CSMD3: variants seen among roughly 807,000 people sequenced by gnomAD.
CSMD3 encodes CUB and Sushi multiple domains 3.
A neutral mutation model predicts 435.2 loss-of-function variants in CSMD3; 177 were observed. That is an observed-to-expected ratio of 0.41 (90% confidence interval 0.36 to 0.46). The LOEUF (loss-of-function observed/expected upper bound fraction) is 0.46. Ranked by LOEUF, CSMD3 falls within the 20% of genes least tolerant of loss-of-function variation. The pLI is 0.34. For synonymous variants in CSMD3, 1,656 were observed against 1,520.5 expected, an observed-to-expected ratio of 1.09 and a Z score of -2.07; for missense variants, 4,265 against 4,504.6, an observed-to-expected ratio of 0.95 and a Z score of 1.52.
intron 67 of CSMD3, among the ~76,000 whole-genome samples, chr8:112,234,856 A>G (rs1390848516): frequency 6.6e-6 from 1 of 152,196 alleles, no homozygotes; most frequent in African/African-American, 2.4e-5. Flanking sequence ...TTTCCTTAAT[A>G]ACAAATTAGT....
intron 3 of CSMD3, among the ~76,000 whole-genome samples, chr8:113,254,969 G>A (rs1270105028): frequency 6.6e-6 from 1 of 151,992 alleles, no homozygotes; most frequent in East Asian, 1.9e-4. Flanking sequence ...AATACATTTG[G>A]AAAATAATGA....
intron 11 of CSMD3, among the ~76,000 whole-genome samples, chr8:112,850,696 C>G (rs2129715181): frequency 6.6e-6 from 1 of 152,292 alleles, no homozygotes; most frequent in East Asian, 1.9e-4. Flanking sequence ...CAATACACTT[C>G]AAAATTGAAT....
At chr8:113,131,722 T>C (rs1325836740) in intron 4 of CSMD3, among the ~76,000 whole-genome samples, 2 of 152,144 alleles carry the variant, frequency 1.3e-5, no homozygotes, top group East Asian at 3.9e-4. Flanking sequence ...GGACACTGTC[T>C]TCCACACCCT....
rs2130410109 is a variant in CSMD3 at position 112,265,434 on chromosome 8, C to T, written c.9665G>A (p.Ser3222Asn). 6.2e-7 allele frequency: 1 copy of T among 1,613,560 alleles called. No individual in the cohort carries two copies. The highest frequency in any genetic ancestry group is 1.1e-5 in the South Asian group (1 of 91,078). ...IRTCTINGTW[S>N]GVMPTCRAVT... ...ACCTCTACAAGTTGGCATTACTCCA[C>T]TCCATGTGCCATTAATTGTACAAGT... The change falls in exon 60 of 71, where the codon AGT becomes AAT. Residue 3222 changes from serine (S) to asparagine (N), a missense_variant. Around this residue, in one of 3 missense-constraint regions of CSMD3, gnomAD observed 3,255 missense variants for 3,380.2 expected, o/e 0.96. Coordinates refer to ENST00000297405, the MANE Select transcript of CSMD3 (RefSeq NM_198123.2).
chr8:112,417,182 C>G (rs1200185526), intron 32 of CSMD3, among the ~76,000 whole-genome samples: 1 of 152,132 alleles, frequency 6.6e-6, no homozygotes, highest in Non-Finnish European at 1.5e-5. Flanking sequence ...AAATGACCAA[C>G]TTATGTGTCT....
chr8:113,371,424 G>C (rs1221974135), intron 1 of CSMD3, among the ~76,000 whole-genome samples: 1 of 152,068 alleles, frequency 6.6e-6, no homozygotes, highest in South Asian at 2.1e-4. Context: ...ACATATGGCA[G>C]GTTCTAAGTT....
At chr8:112,451,554 T>C (rs953140177) in intron 32 of CSMD3, among the ~76,000 whole-genome samples, 3 of 152,162 alleles carry the variant, frequency 2.0e-5, no homozygotes, top group African/African-American at 7.2e-5. Flanking sequence ...TTTTTTTTTT[T>C]TGAGACAGAG....
intron 51 of CSMD3, among the ~76,000 whole-genome samples, chr8:112,305,128 A>G (rs888588125): frequency 1.3e-5 from 2 of 152,132 alleles, no homozygotes; most frequent in Non-Finnish European, 2.9e-5. Context: ...TGGTTTCACA[A>G]TTCAATCTTG....
intron 1 of CSMD3, among the ~76,000 whole-genome samples, chr8:113,353,001 G>A (rs190639285): frequency 1.3e-5 from 2 of 152,258 alleles, no homozygotes; most frequent in East Asian, 1.9e-4. Context: ...CAAATTGCAA[G>A]CTAAAATGAT....
chr8:112,914,519 A>T (rs1055955575), intron 10 of CSMD3, among the ~76,000 whole-genome samples: 3 of 151,666 alleles, frequency 2.0e-5, no homozygotes, highest in Non-Finnish European at 1.5e-5. Context: ...GCAGAAGAAC[A>T]TACTTCATGC....
intron 10 of CSMD3, among the ~76,000 whole-genome samples, chr8:112,888,041 T>C (rs2081661810): frequency 6.6e-6 from 1 of 151,538 alleles, no homozygotes; most frequent in Non-Finnish European, 1.5e-5. Context: ...ACAACAAAAA[T>C]AACAAATATA....
chr8:112,788,799 A>C (rs911513517), intron 13 of CSMD3, among the ~76,000 whole-genome samples: 1 of 152,154 alleles, frequency 6.6e-6, no homozygotes, highest in African/African-American at 2.4e-5. Context: ...GGTTGGGACA[A>C]ACAAAATTAA....
chr8:113,355,353 A>ATGT lies in CSMD3; in HGVS notation c.179-40563_179-40561dup, dbSNP rs370452731. ...GGCTGCTACAACAAAATACCATGGAATGTGTGTCTTAAACAGCAAAGGTTT... is the reference window on the plus strand; with the variant it reads ...GGCTGCTACAACAAAATACCATGGAATGTTGTGTGTCTTAAACAGCAAAGGTTT... On this transcript the variant is annotated intron_variant, in intron 1 of 70. Transcript: ENST00000297405. 5.1e-3 allele frequency among the ~76,000 whole-genome samples: 778 copies of ATGT among 152,102 alleles called. 11 individuals carry two copies. Among genetic ancestry groups the ATGT allele is most frequent in the African/African-American group, 0.018 (752 of 41,498 alleles).
At chr8:112,677,230 G>A (rs528935065) in intron 16 of CSMD3, among the ~76,000 whole-genome samples, 1 of 151,926 alleles carries the variant, frequency 6.6e-6, no homozygotes, top group Admixed American at 6.6e-5. Flanking sequence ...GAGAAGAAGA[G>A]CTTAGTGATG....
chr8:112,953,389 C>A (rs1394912375), intron 8 of CSMD3, among the ~76,000 whole-genome samples: 1 of 151,280 alleles, frequency 6.6e-6, no homozygotes, highest in Non-Finnish European at 1.5e-5. Context: ...CATATTGTAG[C>A]ATTGCTTATT....
At chr8:113,086,093 C>CAA (rs376894580) in intron 5 of CSMD3, among the ~76,000 whole-genome samples, 2 of 151,350 alleles carry the variant, frequency 1.3e-5, no homozygotes, top group African/African-American at 4.9e-5. Context: ...CACACACACA[C>CAA]AAAAATTAGC....
chr8:112,534,383 A>C (rs1246744850), intron 27 of CSMD3, among the ~76,000 whole-genome samples: 1 of 152,218 alleles, frequency 6.6e-6, no homozygotes, highest in Non-Finnish European at 1.5e-5. Flanking sequence ...CCATCAGAGA[A>C]TACTACAAAC....
chr8:113,110,326 A>C (rs1385024267), intron 4 of CSMD3, among the ~76,000 whole-genome samples: 1 of 152,144 alleles, frequency 6.6e-6, no homozygotes, highest in Non-Finnish European at 1.5e-5. Flanking sequence ...TTTTATTATA[A>C]GCTTCAAGAG....
At chr8:112,669,029 T>G (rs1006781904) in intron 16 of CSMD3, among the ~76,000 whole-genome samples, 19 of 151,822 alleles carry the variant, frequency 1.3e-4, no homozygotes, top group Admixed American at 1.2e-3. Context: ...ATTATTATTA[T>G]GTATTTATTC....
Sources: allele counts gnomAD v4.1 joint callset (sites outside exome capture counted in the v4.1 genomes callset), GRCh38; gene constraint gnomAD v4.1.1; regional missense constraint gnomAD v4.1.1; transcripts MANE v1.5; gene names NCBI Gene and HGNC (gene_info 2026-07-23, HGNC 2026-07-21).